Variants in RBFOX1 observed in about 807,000 individuals in gnomAD.
The protein encoded by RBFOX1 is RNA binding fox-1 homolog 1.
Under a neutral mutation model 57.7 loss-of-function variants are expected in RBFOX1, and 8 were observed. The observed-to-expected ratio is 0.14, with a 90% CI of 0.08 to 0.25. RBFOX1 has a LOEUF of 0.25. RBFOX1 is among the 10% of genes least tolerant of loss of function. The probability of loss-of-function intolerance (pLI) is 1.00; values close to 1 mark genes in which losing one functional copy is unlikely to be tolerated. For missense variants in RBFOX1, 611 were observed against 548.5 expected, an observed-to-expected ratio of 1.11 and a Z score of -1.14; for synonymous variants, 326 against 222.4, an observed-to-expected ratio of 1.47 and a Z score of -4.15.
intron 3 of RBFOX1, among the ~76,000 whole-genome samples, chr16:6,831,553 G>T (rs2092709230): frequency 6.6e-6 from 1 of 152,132 alleles, no homozygotes; most frequent in South Asian, 2.1e-4. Context: ...TACATCTAAA[G>T]ATGGGCAACT....
chr16:7,261,342 A>T (rs906255949), intron 4 of RBFOX1, among the ~76,000 whole-genome samples: 1 of 152,318 alleles, frequency 6.6e-6, no homozygotes, highest in Non-Finnish European at 1.5e-5. Context: ...TATCATTATC[A>T]TCACTACTAC....
intron 4 of RBFOX1, among the ~76,000 whole-genome samples, chr16:6,000,015 T>C (rs1198958506): frequency 6.6e-6 from 1 of 151,492 alleles, no homozygotes; most frequent in Non-Finnish European, 1.5e-5. Flanking sequence ...TGCTCCATTA[T>C]AGGGGATGTT....
At chr16:6,476,010 C>G (rs1201333252) in intron 2 of RBFOX1, among the ~76,000 whole-genome samples, 2 of 152,218 alleles carry the variant, frequency 1.3e-5, no homozygotes, top group East Asian at 3.9e-4. Context: ...ATAAACCAAA[C>G]CTTGATGCTT....
chr16:6,539,386 A>G (rs562197072), intron 2 of RBFOX1, among the ~76,000 whole-genome samples: 1 of 152,302 alleles, frequency 6.6e-6, no homozygotes, highest in South Asian at 2.1e-4. Flanking sequence ...AGCATCTGGC[A>G]CACAGCAGCA....
At chr16:5,614,677 C>T (rs1433554988) in intron 3 of RBFOX1, among the ~76,000 whole-genome samples, 1 of 152,030 alleles carries the variant, frequency 6.6e-6, no homozygotes, top group Non-Finnish European at 1.5e-5. Flanking sequence ...AACATTCCAC[C>T]CCTACCCCCT....
At chr16:7,027,258 A>T (rs9302838) in intron 3 of RBFOX1, among the ~76,000 whole-genome samples, 7,497 of 152,276 alleles carry the variant, frequency 0.049, 639 homozygotes, top group African/African-American at 0.17. Flanking sequence ...AAACAAGTAA[A>T]TGAATAGAGA....
rs143657292 is a variant in RBFOX1, at chr16:5,434,945, C to G, written c.220-32271C>G. On this transcript the variant is annotated intron_variant, in intron 1 of 2. Coordinates refer to the RBFOX1 transcript ENST00000585867. ...AAGGCTGTAGCATTTCCCTCCATCTCTTTCCTCCTGCTATTAATTTCACAT... is the reference window on the plus strand; with the variant it reads ...AAGGCTGTAGCATTTCCCTCCATCTGTTTCCTCCTGCTATTAATTTCACAT... Among the ~76,000 whole-genome samples the G allele has an allele frequency of 9.9e-4, 151 of 152,292 alleles. 1 individual carries two copies. The highest frequency in any genetic ancestry group is 3.4e-3 in the Middle Eastern group (1 of 294).
intron 4 of RBFOX1, among the ~76,000 whole-genome samples, chr16:7,119,483 A>C (rs1230628857): frequency 1.3e-5 from 2 of 152,052 alleles, no homozygotes; most frequent in Non-Finnish European, 2.9e-5. Context: ...CCATGGGGGG[A>C]GTTCCATTTC....
intron 4 of RBFOX1, among the ~76,000 whole-genome samples, chr16:7,441,050 G>GA (rs35919593): frequency 5.4e-5 from 8 of 147,758 alleles, no homozygotes; most frequent in Non-Finnish European, 9.0e-5. Flanking sequence ...AAAAACCAAA[G>GA]AAAAAAAAAA....
In RBFOX1 at chr16:5,946,161, G is replaced by A. The variant is rs1453422071; in HGVS notation, c.351+78826G>A. 6.6e-6 allele frequency among the ~76,000 whole-genome samples: 1 copy of A among 152,186 alleles called. No homozygotes were observed. The highest frequency in any genetic ancestry group is 1.5e-5 in the Non-Finnish European group (1 of 68,042). ...CACCACTCCTGTCCTAACATGGCAG[G>A]ATGTGATGGAAAGTGCACAGACGGC... is the stretch of plus-strand genomic sequence containing the variant. On this transcript the variant is annotated intron_variant, in intron 4 of 19. Coordinates refer to the RBFOX1 transcript ENST00000641259. The surrounding 1 kb of genome is among the most constrained non-coding windows in gnomAD (Gnocchi z 4.6).
intron 2 of RBFOX1, among the ~76,000 whole-genome samples, chr16:6,325,927 C>A (rs1042814736): frequency 6.6e-6 from 1 of 152,154 alleles, no homozygotes; most frequent in Non-Finnish European, 1.5e-5. Flanking sequence ...AGTTGGTACA[C>A]AGTAAACAGT....
chr16:6,080,385 C>G (rs927219873), intron 1 of RBFOX1, among the ~76,000 whole-genome samples: 2 of 152,160 alleles, frequency 1.3e-5, no homozygotes, highest in East Asian at 1.9e-4. Flanking sequence ...TGTGAATCCT[C>G]TATTGACCTA....
At chr16:5,421,566 C>G (rs1035051570) in intron 1 of RBFOX1, among the ~76,000 whole-genome samples, 46 of 152,034 alleles carry the variant, frequency 3.0e-4, no homozygotes, top group African/African-American at 8.9e-4. Context: ...CAGGGGGACT[C>G]GAGTGAGGCT....
chr16:7,217,914 G>A (rs2092357134), intron 4 of RBFOX1, among the ~76,000 whole-genome samples: 1 of 151,764 alleles, frequency 6.6e-6, no homozygotes, highest in Non-Finnish European at 1.5e-5. Flanking sequence ...GCATGTGTGT[G>A]TGTGAGTGTA....
intron 1 of RBFOX1, among the ~76,000 whole-genome samples, chr16:6,135,785 C>CTTTTTT (rs35563303): frequency 1.2e-5 from 1 of 85,034 alleles, no homozygotes; most frequent in African/African-American, 5.3e-5. Context: ...CTCGTTTCGA[C>CTTTTTT]TTTTTTTTTT....
At chr16:6,024,974 C>T (rs938220179) in intron 1 of RBFOX1, among the ~76,000 whole-genome samples, 2 of 152,316 alleles carry the variant, frequency 1.3e-5, no homozygotes, top group East Asian at 1.9e-4. Flanking sequence ...GCACAACGAT[C>T]CAGAGGCTGG....
chr16:6,870,249 A>T (rs182781968), intron 3 of RBFOX1, among the ~76,000 whole-genome samples: 1 of 152,232 alleles, frequency 6.6e-6, no homozygotes, highest in African/African-American at 2.4e-5. Flanking sequence ...GGGTGGGGCA[A>T]TGGAGAGAGC....
intron 2 of RBFOX1, among the ~76,000 whole-genome samples, chr16:5,499,653 G>A (rs2043120298): frequency 6.6e-6 from 1 of 151,500 alleles, no homozygotes; most frequent in Non-Finnish European, 1.5e-5. Flanking sequence ...GCTCACTGCA[G>A]TCTCCATCTC....
chr16:6,044,807 C>G (rs529632786), intron 1 of RBFOX1, among the ~76,000 whole-genome samples: 1 of 152,330 alleles, frequency 6.6e-6, no homozygotes, highest in South Asian at 2.1e-4. Context: ...TGGGACACAG[C>G]CTGGTCCATT....
Sources: allele counts gnomAD v4.1 joint callset (sites outside exome capture counted in the v4.1 genomes callset), GRCh38; gene constraint gnomAD v4.1.1; non-coding constraint Gnocchi (gnomAD v3.1); transcripts MANE v1.5; gene names NCBI Gene and HGNC (gene_info 2026-07-23, HGNC 2026-07-21).